Variants in NHSL2 observed in about 807,000 individuals in gnomAD.
NHSL2 encodes the protein NHS-like protein 2.
NHSL2 carries 27 observed loss-of-function variants against 53.4 expected under a neutral mutation model. The observed-to-expected ratio is 0.51, with a 90% CI of 0.37 to 0.70. The LOEUF (loss-of-function observed/expected upper bound fraction) is 0.70, where lower values mean the gene tolerates loss of function less well. Ranked by LOEUF, NHSL2 falls within the 30% of genes least tolerant of loss-of-function variation. NHSL2 has a pLI of 0.00. For synonymous variants in NHSL2, 408 were observed against 404.1 expected (o/e 1.01, Z -0.12); for missense variants, 892 against 980.1 (o/e 0.91, Z 1.20).
chrX:72,001,711 T>C (rs1348972527), intron 1 of NHSL2, among the ~76,000 whole-genome samples: 4 of 111,888 alleles, frequency 3.6e-5, no homozygotes, highest in Non-Finnish European at 5.6e-5. Context: ...CATTCTTGTC[T>C]CTACCTTCAG....
intron 1 of NHSL2, among the ~76,000 whole-genome samples, chrX:72,116,085 G>A (rs771154121): frequency 2.7e-4 from 30 of 111,746 alleles, no homozygotes; most frequent in African/African-American, 9.5e-4. Context: ...TAGTAACTGT[G>A]ATGTCGGACA....
intron 1 of NHSL2, among the ~76,000 whole-genome samples, chrX:71,952,089 C>G (rs1257052350): frequency 8.9e-6 from 1 of 111,964 alleles, no homozygotes; most frequent in Non-Finnish European, 1.9e-5. Flanking sequence ...AAAACAAAAC[C>G]AAAAACACCC....
intron 1 of NHSL2, 79 bp downstream of exon 1, chrX:71,911,446 C>T: frequency 1.2e-6 from 1 of 846,963 alleles, no homozygotes; most frequent in Non-Finnish European, 1.5e-6. Context: ...TAGCGCTGTG[C>T]CCACCCTCTC....
At position 72,152,994 on chromosome X, in the gene NHSL2, A is replaced by G. The variant is rs925100760; in HGVS notation, c.*9420A>G. On this transcript the variant is annotated 3_prime_UTR_variant, in exon 8 of 8. Coordinates refer to ENST00000633930, the MANE Select transcript of NHSL2 (RefSeq NM_001013627.3). ...TAAGGGAGACAAGAATTTACAGACC[A>G]TACCCTAAACTGGAAGGTACAGGAA... is the stretch of plus-strand genomic sequence containing the variant. The G allele has an allele frequency of 5.3e-5, 6 of 112,182 alleles. No individual in the cohort carries two copies. The highest frequency in any genetic ancestry group is 7.5e-5 in the Non-Finnish European group (4 of 53,259). 9.2% of individuals were successfully genotyped at this position (112,182 alleles called of 1,213,427 possible).
intron 1 of NHSL2, chrX:72,129,865 C>A: frequency 8.3e-7 from 1 of 1,201,635 alleles, no homozygotes; most frequent in South Asian, 1.8e-5. Flanking sequence ...AGCTCGGTGG[C>A]CCCCCTGTCT....
intron 1 of NHSL2, among the ~76,000 whole-genome samples, chrX:72,088,530 A>T (rs997232232): frequency 4.5e-5 from 5 of 112,205 alleles, no homozygotes; most frequent in Non-Finnish European, 9.4e-5. Context: ...CTTAAATAAC[A>T]CATGACAAAG....
intron 1 of NHSL2, among the ~76,000 whole-genome samples, chrX:72,036,469 G>A (rs1440982262): frequency 5.4e-5 from 6 of 111,742 alleles, no homozygotes; most frequent in Non-Finnish European, 7.5e-5. Flanking sequence ...GAATTTCTTC[G>A]GGTTTATCTT....
chrX:72,030,069 T>G (rs1459661699), intron 1 of NHSL2, among the ~76,000 whole-genome samples: 1 of 112,334 alleles, frequency 8.9e-6, no homozygotes, highest in African/African-American at 3.2e-5. Flanking sequence ...TGGGAAAATA[T>G]CCATCCATCT....
chrX:72,110,658 A>G (rs2042083638), intron 1 of NHSL2, among the ~76,000 whole-genome samples: 1 of 98,836 alleles, frequency 1.0e-5, no homozygotes, highest in Non-Finnish European at 2.0e-5. Context: ...TGGTTTCTGT[A>G]GGCCCTAGAC....
At chrX:72,092,069 G>C (rs2041905103) in intron 1 of NHSL2, among the ~76,000 whole-genome samples, 1 of 112,192 alleles carries the variant, frequency 8.9e-6, no homozygotes, top group Non-Finnish European at 1.9e-5. Flanking sequence ...TGTGCCTTGT[G>C]AAGCACAGCT....
At chrX:72,128,608 T>C (rs908758690) in intron 1 of NHSL2, 3 of 113,007 alleles carry the variant, frequency 2.7e-5, no homozygotes, top group African/African-American at 9.7e-5. Context: ...ACTGTGTCAC[T>C]GAAGCACAGC....
intron 1 of NHSL2, among the ~76,000 whole-genome samples, chrX:72,100,714 T>C (rs2041984795): frequency 1.8e-5 from 2 of 112,458 alleles, no homozygotes; most frequent in South Asian, 7.3e-4. Flanking sequence ...ATCTAACTAA[T>C]GCCTGATGAT....
intron 1 of NHSL2, among the ~76,000 whole-genome samples, chrX:71,918,136 T>A (rs991233920): frequency 2.7e-5 from 3 of 111,257 alleles, no homozygotes; most frequent in Non-Finnish European, 5.7e-5. Flanking sequence ...CAGGAGGGGC[T>A]CCGAGCCACA....
At chrX:72,130,785 G>A (rs370694469) in intron 1 of NHSL2, 1 of 1,211,767 alleles carries the variant, frequency 8.3e-7, no homozygotes, top group South Asian at 1.8e-5. Flanking sequence ...CTGCATAGCT[G>A]CCGAGGGTAC....
At chrX:71,957,367 C>T (rs1039377741) in intron 1 of NHSL2, among the ~76,000 whole-genome samples, 67 of 112,358 alleles carry the variant, frequency 6.0e-4, no homozygotes, top group African/African-American at 1.9e-3. Context: ...CCCGGGTTCA[C>T]GCCATTCTCC....
At chrX:71,994,771 A>G (rs189838846) in intron 1 of NHSL2, among the ~76,000 whole-genome samples, 33 of 111,690 alleles carry the variant, frequency 3.0e-4, no homozygotes, top group African/African-American at 9.7e-4. Flanking sequence ...CGTGTTAGAC[A>G]GTCAGGAAGT....
At chrX:72,017,475 G>A (rs1264266739) in intron 1 of NHSL2, among the ~76,000 whole-genome samples, 2 of 112,808 alleles carry the variant, frequency 1.8e-5, no homozygotes, top group African/African-American at 6.4e-5. Flanking sequence ...CAAATTGTAG[G>A]CCCAGAAAGA....
intron 1 of NHSL2, among the ~76,000 whole-genome samples, chrX:71,948,056 A>G (rs1398883954): frequency 8.9e-6 from 1 of 111,922 alleles, no homozygotes; most frequent in East Asian, 2.8e-4. Context: ...AAAAAAAGAA[A>G]GAAAATGGCC....
chrX:71,913,481 T>C (rs1048099663), intron 1 of NHSL2, among the ~76,000 whole-genome samples: 2 of 112,342 alleles, frequency 1.8e-5, no homozygotes, highest in Non-Finnish European at 3.8e-5. Context: ...AGTAAATAAA[T>C]GAACATTGTC....
Sources: allele counts gnomAD v4.1 joint callset (sites outside exome capture counted in the v4.1 genomes callset), GRCh38; gene constraint gnomAD v4.1.1; transcripts MANE v1.5; gene names NCBI Gene and HGNC (gene_info 2026-07-23, HGNC 2026-07-21).